Variants in ACY3 observed in about 807,000 individuals in gnomAD.
ACY3 encodes the protein N-acyl-aromatic-L-amino acid amidohydrolase (carboxylate-forming).
ACY3 carries 20 observed loss-of-function variants against 24.6 expected under a neutral mutation model. The observed-to-expected ratio is 0.81, with a 90% confidence interval of 0.57 to 1.18. ACY3 has a LOEUF of 1.18. Among genes scored for constraint, ACY3 ranks in the 50% most tolerant of loss-of-function variants. ACY3 has a pLI of 0.00. For missense variants in ACY3, 423 were observed against 426.8 expected (o/e 0.99, Z 0.08); for synonymous variants, 174 against 188.4 (o/e 0.92, Z 0.62).
intron 1 of ACY3, among the ~76,000 whole-genome samples, chr11:67,648,356 T>G (rs77761047): frequency 0.12 from 18,188 of 152,140 alleles, 1,240 homozygotes; most frequent in African/African-American, 0.18. Context: ...TGGCACTCAG[T>G]GCGTCCAATG....
chr11:67,649,749 G>T (rs561064885), intron 1 of ACY3, among the ~76,000 whole-genome samples: 2 of 151,412 alleles, frequency 1.3e-5, no homozygotes, highest in Non-Finnish European at 2.9e-5. Flanking sequence ...GCGTGTGTGC[G>T]CATGTGTGAC....
Sources: gnomAD v4.1 joint callset for allele counts (sites outside exome capture counted in the v4.1 genomes callset) on GRCh38, gnomAD v4.1.1 for gene constraint, MANE v1.5 for transcripts, NCBI Gene and HGNC (gene_info 2026-07-23, HGNC 2026-07-21) for gene names.